ANTXR1: variants seen among roughly 807,000 people sequenced by gnomAD.
ANTXR1 encodes anthrax toxin receptor 1.
In ANTXR1, 19 loss-of-function variants were observed where a neutral mutation model predicts 78.1. The ratio of observed to expected loss-of-function variants is 0.24; its 90% CI spans 0.17 to 0.36. ANTXR1 has a LOEUF of 0.36. ANTXR1 is among the 10% of genes least tolerant of loss of function. The pLI, the probability that ANTXR1 is intolerant of heterozygous loss-of-function variation, is 1.00. For synonymous variants in ANTXR1, 273 were observed against 260.5 expected, an observed-to-expected ratio of 1.05 and a Z score of -0.46; for missense variants, 518 against 718.6, an observed-to-expected ratio of 0.72 and a Z score of 3.19.
chr2:69,167,952 T>G (rs113182789), intron 13 of ANTXR1, among the ~76,000 whole-genome samples: 12 of 152,200 alleles, frequency 7.9e-5, no homozygotes, highest in African/African-American at 2.4e-4. Flanking sequence ...TACATTAAAT[T>G]AAATAGCAAC....
At chr2:69,158,415 G>T (rs1673586823) in intron 13 of ANTXR1, among the ~76,000 whole-genome samples, 1 of 152,256 alleles carries the variant, frequency 6.6e-6, no homozygotes, top group Non-Finnish European at 1.5e-5. Flanking sequence ...TTCCTCACCT[G>T]GGGAGGATCA....
At chr2:69,021,604 G>A (rs574835435) in intron 1 of ANTXR1, among the ~76,000 whole-genome samples, 3 of 152,266 alleles carry the variant, frequency 2.0e-5, no homozygotes, top group East Asian at 3.9e-4. Flanking sequence ...CAGAAGTGAC[G>A]TGCATCCTTC....
At chr2:69,051,236 C>T (rs903792183) in intron 3 of ANTXR1, among the ~76,000 whole-genome samples, 1 of 151,928 alleles carries the variant, frequency 6.6e-6, no homozygotes, top group African/African-American at 2.4e-5. Context: ...TGAGATCGCA[C>T]CACTGCACTG....
Position 69,182,730 on chromosome 2 carries a change from C to A in ANTXR1, c.1353+70C>A. 6 of 1,599,962 alleles carry A rather than the reference C, an allele frequency of 3.8e-6. No homozygotes were observed. The South Asian group carries it at 4.4e-5, about 12-fold the overall frequency. On this transcript the variant is annotated intron_variant, in intron 16 of 17. Coordinates refer to ENST00000303714, the MANE Select transcript of ANTXR1 (RefSeq NM_032208.3). ...CACTTACATAGTGAAGAATCAAAAT[C>A]TTTCCACATGATAAAATCCCAACCT...
At chr2:69,027,643 T>TGTGTGG in intron 1 of ANTXR1, among the ~76,000 whole-genome samples, 1 of 151,428 alleles carries the variant, frequency 6.6e-6, no homozygotes, top group East Asian at 1.9e-4. Flanking sequence ...TGTGTGTATG[T>TGTGTGG]GTGTGTGTGT....
chr2:69,109,619 T>C (rs1671917697), intron 10 of ANTXR1, among the ~76,000 whole-genome samples: 1 of 149,136 alleles, frequency 6.7e-6, no homozygotes, highest in Non-Finnish European at 1.5e-5. Context: ...ATTCAAAAAA[T>C]GATGTTGAGA....
intron 8 of ANTXR1, among the ~76,000 whole-genome samples, chr2:69,088,352 C>T (rs1671121257): frequency 6.6e-6 from 1 of 152,150 alleles, no homozygotes; most frequent in Admixed American, 6.5e-5. Context: ...AATTCTTGGA[C>T]TGTTTTGAAG....
Position 69,193,343 on chromosome 2 carries a change from C to G in ANTXR1, c.1362C>G (p.Leu454=). 1.2e-6 allele frequency: 2 copies of G among 1,613,804 alleles called. No homozygotes were observed. The highest frequency in any genetic ancestry group is 1.1e-5 in the South Asian group (1 of 91,062). The part of the protein sequence containing the change: ...RKWYSPIKGK[L]DALWVLLRKG... ...CATTTGTTTTATTTCAGGGAAAACT[C>G]GATGCCTTGTGGGTCCTACTGAGGA... Residue 454 remains leucine (L), a synonymous_variant, in exon 17 of 18, where the codon CTC becomes CTG. Transcript: ENST00000303714.
At chr2:69,116,496 C>A (rs1041681725) in intron 10 of ANTXR1, among the ~76,000 whole-genome samples, 1 of 152,174 alleles carries the variant, frequency 6.6e-6, no homozygotes, top group Non-Finnish European at 1.5e-5. Context: ...GTTGTTCCAT[C>A]ATTTGGAGAC....
chr2:69,231,134 AT>A (rs1675587911), intron 17 of ANTXR1, among the ~76,000 whole-genome samples: 1 of 152,196 alleles, frequency 6.6e-6, no homozygotes, highest in Non-Finnish European at 1.5e-5. Flanking sequence ...AAAAGACATG[AT>A]CTCATTCTTT....
At chr2:69,200,132 C>A (rs899378742) in intron 17 of ANTXR1, among the ~76,000 whole-genome samples, 1 of 152,198 alleles carries the variant, frequency 6.6e-6, no homozygotes, top group Non-Finnish European at 1.5e-5. Context: ...AGAGAACCCA[C>A]TGGGTTTGGA....
intron 17 of ANTXR1, among the ~76,000 whole-genome samples, chr2:69,229,481 G>A (rs1186218467): frequency 6.6e-6 from 1 of 152,016 alleles, no homozygotes; most frequent in Non-Finnish European, 1.5e-5. Context: ...TAGTGCTCTT[G>A]ACCAAAAAAT....
intron 3 of ANTXR1, among the ~76,000 whole-genome samples, chr2:69,063,137 T>TATTTGTGTAATTGTGTATTCCA (rs1670293771): frequency 6.6e-6 from 1 of 152,122 alleles, no homozygotes; most frequent in Non-Finnish European, 1.5e-5. Flanking sequence ...TGATAACATG[T>TATTTGTGTAATTGTGTATTCCA]ATTTGTGTAA....
intron 4 of ANTXR1, among the ~76,000 whole-genome samples, chr2:69,070,984 C>CCA (rs1351352230): frequency 6.6e-6 from 1 of 152,176 alleles, no homozygotes; most frequent in African/African-American, 2.4e-5. Flanking sequence ...CAAATTCACG[C>CCA]CACACACAAG....
intron 9 of ANTXR1, among the ~76,000 whole-genome samples, chr2:69,096,168 G>A (rs1379813902): frequency 6.6e-6 from 1 of 151,704 alleles, no homozygotes; most frequent in Non-Finnish European, 1.5e-5. Context: ...TGAGGCAGGA[G>A]AATGGCATGA....
At chr2:69,124,009 T>C (rs1672444075) in intron 11 of ANTXR1, among the ~76,000 whole-genome samples, 1 of 152,214 alleles carries the variant, frequency 6.6e-6, no homozygotes, top group Non-Finnish European at 1.5e-5. Flanking sequence ...TCAGTGTCCA[T>C]GCTGCGAAAT....
chr2:69,213,448 T>C (rs1319913396), intron 17 of ANTXR1, among the ~76,000 whole-genome samples: 1 of 152,244 alleles, frequency 6.6e-6, no homozygotes, highest in Non-Finnish European at 1.5e-5. Flanking sequence ...TTAACAAAGC[T>C]ATTTTCCTAA....
intron 10 of ANTXR1, among the ~76,000 whole-genome samples, chr2:69,116,948 T>A (rs1343212382): frequency 6.6e-6 from 1 of 152,220 alleles, no homozygotes; most frequent in African/African-American, 2.4e-5. Flanking sequence ...CAGGGAAGAA[T>A]TCTGGGAACT....
rs79971538 is a variant in ANTXR1 at position 69,145,626 on chromosome 2, G to A, written c.952-6543G>A. 3,445 of 1,257,540 alleles carry A rather than the reference G, an allele frequency of 2.7e-3. 116 individuals are homozygous for A. The East Asian group carries it at 0.075, about 27-fold the overall frequency. The allele number at this position is 1,257,540 out of a possible 1,614,324, so 77.9% of individuals were successfully genotyped here. ...TATTGGCTACATAATCACTCCATGCGGTGGGCATCAGGCAGAATCCTGGTG... is the reference window on the plus strand; with the variant it reads ...TATTGGCTACATAATCACTCCATGCAGTGGGCATCAGGCAGAATCCTGGTG... On this transcript the variant is annotated intron_variant, in intron 12 of 17. Transcript: ENST00000303714.
Sources: allele counts gnomAD v4.1 joint callset (sites outside exome capture counted in the v4.1 genomes callset), GRCh38; gene constraint gnomAD v4.1.1; transcripts MANE v1.5; gene names NCBI Gene and HGNC (gene_info 2026-07-23, HGNC 2026-07-21).